CSMD1: variants seen among roughly 807,000 people sequenced by gnomAD.
The protein encoded by CSMD1 is CUB and sushi domain-containing protein 1.
In CSMD1, 213 loss-of-function variants were observed where a neutral mutation model predicts 417.5. The ratio of observed to expected loss-of-function variants is 0.51; its 90% CI spans 0.46 to 0.57. The LOEUF is 0.57. Among genes scored for constraint, CSMD1 ranks in the 20% least tolerant of loss-of-function variants. The pLI is 0.00. For missense variants in CSMD1, 6,923 were observed against 4,529.7 expected (o/e 1.53, Z -15.17); for synonymous variants, 2,862 against 1,736.8 (o/e 1.65, Z -16.11).
intron 4 of CSMD1, among the ~76,000 whole-genome samples, chr8:4,003,354 C>G (rs1031084317): frequency 6.6e-6 from 1 of 151,980 alleles, no homozygotes; most frequent in Non-Finnish European, 1.5e-5. Context: ...GATTGCCCTA[C>G]TGCACTCCAG....
At chr8:3,734,758 T>A (rs964339533) in intron 6 of CSMD1, among the ~76,000 whole-genome samples, 30 of 152,186 alleles carry the variant, frequency 2.0e-4, no homozygotes, top group African/African-American at 6.3e-4. Flanking sequence ...ATGTGGCTGC[T>A]TCTTCTGTAA....
chr8:3,532,459 C>T (rs927336116), intron 10 of CSMD1, among the ~76,000 whole-genome samples: 2 of 152,162 alleles, frequency 1.3e-5, no homozygotes, highest in African/African-American at 4.8e-5. Flanking sequence ...ACAGCTGTGT[C>T]TGACATTTCC....
At chr8:3,584,759 C>A (rs956951351) in intron 9 of CSMD1, among the ~76,000 whole-genome samples, 1 of 152,134 alleles carries the variant, frequency 6.6e-6, no homozygotes, top group South Asian at 2.1e-4. Flanking sequence ...GCCTATTTCC[C>A]GGATATAAGA....
chr8:3,561,907 G>C (rs540887969), intron 10 of CSMD1, among the ~76,000 whole-genome samples: 72 of 152,322 alleles, frequency 4.7e-4, no homozygotes, highest in African/African-American at 1.5e-3. Context: ...ATGCCCAGAG[G>C]CTTCTGCATA....
At chr8:4,345,939 G>C (rs1800755288) in intron 3 of CSMD1, among the ~76,000 whole-genome samples, 1 of 152,036 alleles carries the variant, frequency 6.6e-6, no homozygotes. Context: ...TTCTTCCTCA[G>C]TGTTTTCAAA....
intron 10 of CSMD1, among the ~76,000 whole-genome samples, chr8:3,567,748 T>G (rs926457124): frequency 2.0e-5 from 3 of 152,180 alleles, no homozygotes; most frequent in Non-Finnish European, 4.4e-5. Flanking sequence ...CCACATCCTC[T>G]GAGACCTCTC....
chr8:4,232,495 A>C (rs1040625243), intron 3 of CSMD1, among the ~76,000 whole-genome samples: 12 of 152,178 alleles, frequency 7.9e-5, no homozygotes, highest in Non-Finnish European at 1.5e-4. Flanking sequence ...AACTGCGCCC[A>C]GCCACACATG....
intron 2 of CSMD1, among the ~76,000 whole-genome samples, chr8:4,486,198 T>C (rs1371300437): frequency 2.6e-3 from 23 of 8,914 alleles, no homozygotes; most frequent in Middle Eastern, 0.071. Context: ...TATATATATA[T>C]ACATACATAT....
chr8:4,228,114 C>G (rs900641906), intron 3 of CSMD1, among the ~76,000 whole-genome samples: 1 of 152,108 alleles, frequency 6.6e-6, no homozygotes, highest in African/African-American at 2.4e-5. Context: ...CATTCAACCC[C>G]GTAACAGGAG....
At chr8:3,161,698 G>C (rs1026652474) in intron 38 of CSMD1, among the ~76,000 whole-genome samples, 6 of 148,954 alleles carry the variant, frequency 4.0e-5, no homozygotes, top group Admixed American at 3.4e-4. Flanking sequence ...CTACTTAATA[G>C]TTTTTAAAAC....
intron 25 of CSMD1, 26 bp downstream of exon 25, chr8:3,307,669 C>A (rs772982491): frequency 1.2e-6 from 2 of 1,608,400 alleles, no homozygotes; most frequent in South Asian, 2.2e-5. Context: ...TTTCTCAAAT[C>A]ACTGAAACCA....
intron 5 of CSMD1, chr8:3,950,010 G>A: frequency 2.2e-6 from 1 of 455,850 alleles, no homozygotes; most frequent in South Asian, 1.5e-5. Flanking sequence ...CATTTGCCAG[G>A]GTCCACGGCA....
At chr8:4,108,273 T>C (rs1027900404) in intron 3 of CSMD1, among the ~76,000 whole-genome samples, 1 of 152,222 alleles carries the variant, frequency 6.6e-6, no homozygotes, top group Admixed American at 6.5e-5. Flanking sequence ...TCAAATGCTG[T>C]TGAATGATCT....
At chr8:4,059,210 T>C (rs1798847193) in intron 3 of CSMD1, among the ~76,000 whole-genome samples, 1 of 151,958 alleles carries the variant, frequency 6.6e-6, no homozygotes, top group Non-Finnish European at 1.5e-5. Context: ...CATAACGAAA[T>C]GAAGGCAGAA....
chr8:4,851,477 A>C (rs1372269696), intron 1 of CSMD1, among the ~76,000 whole-genome samples: 1 of 146,920 alleles, frequency 6.8e-6, no homozygotes, highest in Admixed American at 6.8e-5. Flanking sequence ...TTCTTTTTTG[A>C]TATTTGAGTA....
At chr8:3,740,211 G>A (rs1013995377) in intron 6 of CSMD1, among the ~76,000 whole-genome samples, 1 of 152,096 alleles carries the variant, frequency 6.6e-6, no homozygotes, top group South Asian at 2.1e-4. Flanking sequence ...GTTCAAGTGA[G>A]TCTCCTGCCT....
chr8:4,713,412 T>C (rs1191913110), intron 1 of CSMD1, among the ~76,000 whole-genome samples: 1 of 151,544 alleles, frequency 6.6e-6, no homozygotes, highest in Non-Finnish European at 1.5e-5. Flanking sequence ...TTGTTTTGTT[T>C]TGTTTTTGAG....
At chr8:4,060,636 G>T (rs536041550) in intron 3 of CSMD1, among the ~76,000 whole-genome samples, 12 of 152,148 alleles carry the variant, frequency 7.9e-5, no homozygotes, top group Non-Finnish European at 1.5e-4. Flanking sequence ...GCTACTGGAG[G>T]AGGATCTGCA....
chr8:4,457,429 GA>G (rs778164463), intron 2 of CSMD1, among the ~76,000 whole-genome samples: 1 of 151,988 alleles, frequency 6.6e-6, no homozygotes, highest in Non-Finnish European at 1.5e-5. Flanking sequence ...GAGTGACAGG[GA>G]AAAAACAAAC....
Sources: gnomAD v4.1 joint callset for allele counts (sites outside exome capture counted in the v4.1 genomes callset) on GRCh38, gnomAD v4.1.1 for gene constraint, MANE v1.5 for transcripts, NCBI Gene and HGNC (gene_info 2026-07-23, HGNC 2026-07-21) for gene names.